Variants in DYTN observed in about 807,000 individuals in gnomAD.
DYTN encodes dystrotelin.
A neutral mutation model predicts 69.6 loss-of-function variants in DYTN; 75 were observed. The observed-to-expected ratio is 1.08, with a 90% CI of 0.89 to 1.31. The LOEUF (loss-of-function observed/expected upper bound fraction) is 1.31. Ranked by LOEUF, DYTN falls within the 50% of genes most tolerant of loss-of-function variation. DYTN has a pLI of 0.00. For synonymous variants in DYTN, 252 were observed against 249.1 expected (o/e 1.01, Z -0.11); for missense variants, 726 against 688.4 (o/e 1.05, Z -0.61).
At chr2:206,701,487 C>G (rs1699976432) in intron 5 of DYTN, among the ~76,000 whole-genome samples, 1 of 152,120 alleles carries the variant, frequency 6.6e-6, no homozygotes, top group African/African-American at 2.4e-5. Context: ...TCATTTGTGA[C>G]AACATGAATG....
At chr2:206,688,863 T>A (rs1699837666) in intron 9 of DYTN, among the ~76,000 whole-genome samples, 1 of 152,120 alleles carries the variant, frequency 6.6e-6, no homozygotes, top group Non-Finnish European at 1.5e-5. Context: ...TAAAAATAAT[T>A]TTTACATGTA....
chr2:206,677,690 G>A (rs1246136100), intron 9 of DYTN, among the ~76,000 whole-genome samples: 1 of 152,058 alleles, frequency 6.6e-6, no homozygotes, highest in East Asian at 1.9e-4. Context: ...GAAAAAGAAA[G>A]AGACTGATAA....
chr2:206,707,188 G>C (rs1416255256), intron 3 of DYTN, 114 bp downstream of exon 3: 2 of 1,290,602 alleles, frequency 1.5e-6, no homozygotes, highest in Non-Finnish European at 2.1e-6. Context: ...AACAAACAAA[G>C]AAGACTTCTT....
chr2:206,663,755 T>C (rs1699539368), intron 10 of DYTN, among the ~76,000 whole-genome samples: 1 of 152,212 alleles, frequency 6.6e-6, no homozygotes, highest in Non-Finnish European at 1.5e-5. Context: ...CATTTTATAA[T>C]AGTCTTTCTG....
In DYTN at chr2:206,664,113, T is replaced by C. The variant is rs116838030; in HGVS notation, c.1141-718A>G. On this transcript the variant is annotated intron_variant, in intron 10 of 11. Coordinates refer to ENST00000452335, the MANE Select transcript of DYTN (RefSeq NM_001093730.1). Reference sequence around the variant, plus strand: ...CAGTTCTGCTTAAGAACACCTTTGATGGAATAGAAATAGTTCTTAGTTTTA... The same window carrying C: ...CAGTTCTGCTTAAGAACACCTTTGACGGAATAGAAATAGTTCTTAGTTTTA... 3.6e-3 allele frequency among the ~76,000 whole-genome samples: 544 copies of C among 151,722 alleles called. 6 individuals carry two copies. The highest frequency in any genetic ancestry group is 0.012 in the African/African-American group (506 of 41,368).
At chr2:206,706,540 C>T (rs1346926066) in intron 3 of DYTN, among the ~76,000 whole-genome samples, 1 of 151,224 alleles carries the variant, frequency 6.6e-6, no homozygotes, top group Non-Finnish European at 1.5e-5. Flanking sequence ...AAGGAATTTG[C>T]CCAGTGGTTA....
chr2:206,696,827 T>C (rs2105898539), intron 7 of DYTN, among the ~76,000 whole-genome samples: 1 of 152,262 alleles, frequency 6.6e-6, no homozygotes, highest in African/African-American at 2.4e-5. Context: ...GTAGTACTAA[T>C]AGTTGAATTG....
chr2:206,677,375 G>A (rs1699702182), intron 9 of DYTN, among the ~76,000 whole-genome samples: 1 of 152,102 alleles, frequency 6.6e-6, no homozygotes, highest in African/African-American at 2.4e-5. Context: ...CTGTTCTTAT[G>A]TAAAAATAAA....
intron 11 of DYTN, among the ~76,000 whole-genome samples, chr2:206,658,189 T>G (rs1391195854): frequency 6.6e-6 from 1 of 152,100 alleles, no homozygotes; most frequent in Non-Finnish European, 1.5e-5. Context: ...CCAAGACTAT[T>G]GTTTGGTTCT....
At chr2:206,665,402 C>T (rs1428959934) in intron 10 of DYTN, among the ~76,000 whole-genome samples, 1 of 151,218 alleles carries the variant, frequency 6.6e-6, no homozygotes, top group African/African-American at 2.4e-5. Context: ...TATTTAACAA[C>T]TCAGTTTTAA....
At chr2:206,665,137 T>G (rs1356639271) in intron 10 of DYTN, among the ~76,000 whole-genome samples, 1 of 152,222 alleles carries the variant, frequency 6.6e-6, no homozygotes, top group Non-Finnish European at 1.5e-5. Flanking sequence ...CTTCAGATAC[T>G]TCAACCGAAA....
At chr2:206,704,043 C>T (rs560856611) in intron 5 of DYTN, among the ~76,000 whole-genome samples, 5 of 152,286 alleles carry the variant, frequency 3.3e-5, no homozygotes, top group African/African-American at 1.2e-4. Flanking sequence ...ATCAAATGTA[C>T]ACATTCTTAA....
chr2:206,686,660 CAGAG>C (rs1699812151), intron 9 of DYTN: 1 of 152,366 alleles, frequency 6.6e-6, no homozygotes, highest in South Asian at 2.1e-4. Context: ...TATATAGGGA[CAGAG>C]AGGCCCCTAC....
intron 9 of DYTN, among the ~76,000 whole-genome samples, chr2:206,692,476 G>A (rs958344857): frequency 6.6e-6 from 1 of 152,010 alleles, no homozygotes; most frequent in African/African-American, 2.4e-5. Context: ...AACCAAGTTC[G>A]CAATTTTTTA....
chr2:206,668,806 A>G (rs1272084530), intron 9 of DYTN, among the ~76,000 whole-genome samples: 1 of 152,030 alleles, frequency 6.6e-6, no homozygotes, highest in Non-Finnish European at 1.5e-5. Flanking sequence ...TTAAATCATG[A>G]GGGCAGTTTT....
chr2:206,710,703 AG>A, intron 1 of DYTN, 105 bp from the exon 2 acceptor site: 2 of 904,802 alleles, frequency 2.2e-6, no homozygotes, highest in African/African-American at 3.4e-5. Flanking sequence ...TTTATTTTGC[AG>A]GTGAGGAAAT....
intron 9 of DYTN, among the ~76,000 whole-genome samples, chr2:206,691,118 A>C (rs1329860781): frequency 2.0e-5 from 3 of 152,206 alleles, no homozygotes; most frequent in Non-Finnish European, 4.4e-5. Context: ...AGAAATGCAA[A>C]TAAGAGTATG....
chr2:206,694,884 G>A lies in DYTN; in HGVS notation c.720-7C>T. The A allele has an allele frequency of 3.4e-6, 5 of 1,472,578 alleles. No individual in the cohort carries two copies. The highest frequency in any genetic ancestry group is 9.2e-7 in the Non-Finnish European group (1 of 1,088,944). 91.2% of individuals were successfully genotyped at this position (1,472,578 alleles called of 1,614,324 possible). On this transcript the variant is annotated splice_polypyrimidine_tract_variant and splice_region_variant and intron_variant, in intron 7 of 11. Coordinates refer to ENST00000452335, the MANE Select transcript of DYTN (RefSeq NM_001093730.1). Reference sequence around the variant, plus strand: ...ACACTTCAGACAGCGGTATCTGCCAGTTAAAATAGAAGCACAGCTTACGTC... The same window carrying A: ...ACACTTCAGACAGCGGTATCTGCCAATTAAAATAGAAGCACAGCTTACGTC...
At chr2:206,703,293 A>C (rs1699993773) in intron 5 of DYTN, among the ~76,000 whole-genome samples, 1 of 152,162 alleles carries the variant, frequency 6.6e-6, no homozygotes, top group South Asian at 2.1e-4. Flanking sequence ...CAGTCTCACC[A>C]GTCTGATTGC....
Sources: gnomAD v4.1 joint callset for allele counts (sites outside exome capture counted in the v4.1 genomes callset) on GRCh38, gnomAD v4.1.1 for gene constraint, MANE v1.5 for transcripts, NCBI Gene and HGNC (gene_info 2026-07-23, HGNC 2026-07-21) for gene names.